TMEM65: variants seen among roughly 807,000 people sequenced by gnomAD.
TMEM65 encodes the protein transmembrane protein 65.
In TMEM65, 22 loss-of-function variants were observed where a neutral mutation model predicts 25.4. The ratio of observed to expected loss-of-function variants is 0.86; its 90% CI spans 0.62 to 1.23. TMEM65 has a LOEUF of 1.23. TMEM65 is among the 50% of genes most tolerant of loss of function. TMEM65 has a pLI of 0.00. For synonymous variants in TMEM65, 132 were observed against 126.2 expected (o/e 1.05, Z -0.31); for missense variants, 262 against 308.2 (o/e 0.85, Z 1.12).
At chr8:124,341,658 T>TTTTTTTTTTTTTGAG (rs1814584549) in intron 1 of TMEM65, among the ~76,000 whole-genome samples, 1 of 152,078 alleles carries the variant, frequency 6.6e-6, no homozygotes, top group African/African-American at 2.4e-5. Context: ...AAGTTTTCTC[T>TTTTTTTTTTTTTGAG]ACAACTATGT....
intron 6 of TMEM65, among the ~76,000 whole-genome samples, chr8:124,319,708 T>C (rs1187699928): frequency 1.3e-5 from 2 of 152,074 alleles, no homozygotes; most frequent in Non-Finnish European, 2.9e-5. Context: ...CATGGTTATA[T>C]CTTGTACATA....
In TMEM65 at chr8:124,313,829, T is replaced by C. The variant is rs72721441; in HGVS notation, c.*131A>G. On this transcript the variant is annotated 3_prime_UTR_variant, in exon 7 of 7. Coordinates refer to ENST00000297632, the MANE Select transcript of TMEM65 (RefSeq NM_194291.3). ...GATCAAGCCACAATAAGTTAGTGTT[T>C]TCCATAATACATGCTAAATTATTTG... 0.091 allele frequency: 58,813 copies of C among 646,506 alleles called. 3,036 individuals carry two copies. The highest frequency in any genetic ancestry group is 0.13 in the East Asian group (4,591 of 35,478). The allele number at this position is 646,506 out of a possible 1,614,324, so 40.0% of individuals were successfully genotyped here.
chr8:124,334,447 T>G (rs1814477350), intron 1 of TMEM65, among the ~76,000 whole-genome samples: 1 of 151,960 alleles, frequency 6.6e-6, no homozygotes, highest in Non-Finnish European at 1.5e-5. Context: ...GTTCTAGAAC[T>G]GAAAGATACA....
chr8:124,324,530 T>C (rs1303543773), intron 3 of TMEM65, among the ~76,000 whole-genome samples: 4 of 152,046 alleles, frequency 2.6e-5, no homozygotes, highest in Non-Finnish European at 2.9e-5. Context: ...TAAACATATG[T>C]ATCATCATAT....
At chr8:124,340,090 C>T (rs1329318748) in intron 1 of TMEM65, among the ~76,000 whole-genome samples, 1 of 152,120 alleles carries the variant, frequency 6.6e-6, no homozygotes, top group African/African-American at 2.4e-5. Flanking sequence ...CAAGTAAAAA[C>T]ATCTTAAAGT....
At chr8:124,351,010 C>G (rs1387516463) in intron 1 of TMEM65, 21 of 985,048 alleles carry the variant, frequency 2.1e-5, no homozygotes, top group Non-Finnish European at 2.4e-5. Context: ...TCACTACTTG[C>G]AATCAACACT....
chr8:124,341,937 T>C (rs1814587886), intron 1 of TMEM65, among the ~76,000 whole-genome samples: 1 of 152,090 alleles, frequency 6.6e-6, no homozygotes, highest in East Asian at 1.9e-4. Context: ...TTAAACTAAC[T>C]GGGCTTATTT....
intron 1 of TMEM65, among the ~76,000 whole-genome samples, chr8:124,346,848 T>C (rs958618758): frequency 6.6e-6 from 1 of 152,192 alleles, no homozygotes; most frequent in African/African-American, 2.4e-5. Flanking sequence ...GGACCAAGGG[T>C]CTCAGTTACC....
chr8:124,345,230 T>A (rs1814628005), intron 1 of TMEM65, among the ~76,000 whole-genome samples: 2 of 152,190 alleles, frequency 1.3e-5, no homozygotes, highest in Admixed American at 1.3e-4. Context: ...AACACCAACT[T>A]GTAAACAAAA....
intron 1 of TMEM65, among the ~76,000 whole-genome samples, chr8:124,331,160 G>A: frequency 6.6e-6 from 1 of 151,516 alleles, no homozygotes; most frequent in Non-Finnish European, 1.5e-5. Flanking sequence ...CTTTCAGATG[G>A]CAACCCTAGA....
rs538414486 is a variant in TMEM65, at chr8:124,307,018, G to A, written c.*6942C>T. On this transcript the variant is annotated 3_prime_UTR_variant, in exon 7 of 7. Transcript: ENST00000297632. ...AGACTATACATTGGAGCCATTTGCA[G>A]TTGAGACAAACATAAAGATGCAGTA... 2.6e-5 allele frequency: 4 copies of A among 152,206 alleles called. No individual in the cohort carries two copies. Among genetic ancestry groups the A allele is most frequent in the African/African-American group, 9.6e-5 (4 of 41,528 alleles). 9.4% of individuals were successfully genotyped at this position (152,206 alleles called of 1,614,324 possible). A position where few individuals can be genotyped will look rare whatever the true frequency, so the allele number is the denominator to read the frequency against.
At position 124,313,554 on chromosome 8, in the gene TMEM65, T is replaced by C. The variant is rs1814193517; in HGVS notation, c.*406A>G. On this transcript the variant is annotated 3_prime_UTR_variant, in exon 7 of 7. Transcript: ENST00000297632. ...AATCTTTAACTGACATTAAACATCT[T>C]AAGTAATTTGGAAAAATCCCAAGGT... is the stretch of plus-strand genomic sequence containing the variant. 1.3e-5 allele frequency: 2 copies of C among 155,236 alleles called. No individual in the cohort carries two copies. Among genetic ancestry groups the C allele is most frequent in the African/African-American group, 4.8e-5 (2 of 41,486 alleles). 9.6% of individuals were successfully genotyped at this position (155,236 alleles called of 1,614,324 possible). A position where few individuals can be genotyped will look rare whatever the true frequency, so the allele number is the denominator to read the frequency against.
intron 2 of TMEM65, 59 bp from the exon 3 acceptor site, chr8:124,327,480 A>G: frequency 2.7e-6 from 3 of 1,114,248 alleles, no homozygotes; most frequent in East Asian, 2.7e-5. Context: ...TAGAATGACA[A>G]AAACAGATGA....
chr8:124,341,836 G>T (rs1300879364), intron 1 of TMEM65, among the ~76,000 whole-genome samples: 33 of 144,938 alleles, frequency 2.3e-4, no homozygotes, highest in African/African-American at 4.3e-4. Context: ...TTTTTTTTTT[G>T]ACCTCAACTT....
chr8:124,327,833 T>C (rs1193935516), intron 2 of TMEM65, among the ~76,000 whole-genome samples: 1 of 152,194 alleles, frequency 6.6e-6, no homozygotes, highest in Non-Finnish European at 1.5e-5. Flanking sequence ...AATCGATTTC[T>C]GTATTAGAAA....
rs186609580 is a variant in TMEM65, at chr8:124,343,289, T to C, written c.305-12497A>G. On this transcript the variant is annotated intron_variant, in intron 1 of 6. Coordinates refer to ENST00000297632, the MANE Select transcript of TMEM65 (RefSeq NM_194291.3). ...CTTATATAACAGTTACTGGAAGTCC[T>C]ATGTCCCTGATAATAGAACCTCATG... Among the ~76,000 whole-genome samples the C allele has an allele frequency of 9.5e-3, 1,440 of 152,252 alleles. 30 individuals carry two copies. Among genetic ancestry groups the C allele is most frequent in the Middle Eastern group, 0.017 (5 of 294 alleles).
intron 1 of TMEM65, among the ~76,000 whole-genome samples, chr8:124,357,826 T>A (rs996917635): frequency 9.0e-6 from 1 of 111,302 alleles, no homozygotes; most frequent in African/African-American, 3.3e-5. Flanking sequence ...TTTACTTTTT[T>A]ATCTTTTTTT....
At chr8:124,360,451 A>G (rs971836398) in intron 1 of TMEM65, among the ~76,000 whole-genome samples, 4 of 150,052 alleles carry the variant, frequency 2.7e-5, no homozygotes, top group South Asian at 2.1e-4. Context: ...AAAAAAAAAA[A>G]TCTCCATTTG....
chr8:124,311,904 G>T lies in TMEM65; in HGVS notation c.*2056C>A, dbSNP rs957633649. 6.6e-6 allele frequency: 1 copy of T among 152,472 alleles called. No homozygotes were observed. Among genetic ancestry groups the T allele is most frequent in the Non-Finnish European group, 1.5e-5 (1 of 67,956 alleles). 9.4% of individuals were successfully genotyped at this position (152,472 alleles called of 1,614,324 possible). A position where few individuals can be genotyped will look rare whatever the true frequency, so the allele number is the denominator to read the frequency against. On this transcript the variant is annotated 3_prime_UTR_variant, in exon 7 of 7. Transcript: ENST00000297632. ...CCTTAAATAATTCTGGAGATGTTCA[G>T]TTAAACCAGTAATTCCCTGGGACCA...
Sources: allele counts gnomAD v4.1 joint callset (sites outside exome capture counted in the v4.1 genomes callset), GRCh38; gene constraint gnomAD v4.1.1; transcripts MANE v1.5; gene names NCBI Gene and HGNC (gene_info 2026-07-23, HGNC 2026-07-21).